TENM4: variants seen among roughly 807,000 people sequenced by gnomAD.
The protein encoded by TENM4 is teneurin-4.
In TENM4, 82 loss-of-function variants were observed where a neutral mutation model predicts 243.3. That is an observed-to-expected ratio of 0.34 (90% CI 0.28 to 0.40). The LOEUF is 0.40. Among genes scored for constraint, TENM4 ranks in the 10% least tolerant of loss-of-function variants. The pLI is 1.00. For synonymous variants in TENM4, 1,412 were observed against 1,456.3 expected, an observed-to-expected ratio of 0.97 and a Z score of 0.69; for missense variants, 3,138 against 3,673.3, an observed-to-expected ratio of 0.85 and a Z score of 3.77.
chr11:78,820,537 G>C (rs936691484), intron 12 of TENM4, among the ~76,000 whole-genome samples: 7 of 152,220 alleles, frequency 4.6e-5, no homozygotes, highest in Non-Finnish European at 1.0e-4. Context: ...GTGATGCTGT[G>C]CATGTAAAGA....
intron 28 of TENM4, among the ~76,000 whole-genome samples, chr11:78,697,519 G>T (rs982486147): frequency 1.3e-4 from 20 of 152,180 alleles, no homozygotes; most frequent in Non-Finnish European, 1.5e-5. Context: ...TCTATGTCCC[G>T]TTGGGAGCAC....
At chr11:79,312,493 T>C (rs1302218214) in intron 1 of TENM4, among the ~76,000 whole-genome samples, 1 of 152,196 alleles carries the variant, frequency 6.6e-6, no homozygotes, top group Admixed American at 6.5e-5. Context: ...TGTCCTATAA[T>C]GATTCCCATT....
At chr11:79,172,184 C>T (rs542022788) in intron 3 of TENM4, among the ~76,000 whole-genome samples, 1 of 152,256 alleles carries the variant, frequency 6.6e-6, no homozygotes, top group African/African-American at 2.4e-5. Flanking sequence ...AAACCCCTGG[C>T]TCAAATGATC....
At chr11:79,263,678 A>G (rs889979915) in intron 2 of TENM4, among the ~76,000 whole-genome samples, 8 of 152,174 alleles carry the variant, frequency 5.3e-5, no homozygotes, top group African/African-American at 1.9e-4. Context: ...CAGGTAGCCA[A>G]TGGAAAGTAG....
At chr11:78,890,950 A>G (rs867561882) in intron 8 of TENM4, among the ~76,000 whole-genome samples, 6 of 152,212 alleles carry the variant, frequency 3.9e-5, no homozygotes, top group Middle Eastern at 3.2e-3. Flanking sequence ...GAGTCCATAC[A>G]ATACAGGGCC....
intron 6 of TENM4, among the ~76,000 whole-genome samples, chr11:79,041,250 G>C (rs942036423): frequency 6.6e-6 from 1 of 152,090 alleles, no homozygotes; most frequent in Non-Finnish European, 1.5e-5. Context: ...TTTTAGTAGA[G>C]ATGGGGTTTC....
intron 1 of TENM4, among the ~76,000 whole-genome samples, chr11:79,336,310 C>T (rs1487006401): frequency 1.3e-5 from 2 of 152,150 alleles, no homozygotes; most frequent in African/African-American, 4.8e-5. Context: ...TCCCTGTCCT[C>T]CTCCAGGCCT....
chr11:78,684,608 C>A (rs1858618937), intron 29 of TENM4, among the ~76,000 whole-genome samples: 2 of 152,094 alleles, frequency 1.3e-5, no homozygotes, highest in South Asian at 4.1e-4. Context: ...AATAGGGCCC[C>A]TTGTCTTTAG....
chr11:79,260,632 G>A (rs1287867233), intron 2 of TENM4, among the ~76,000 whole-genome samples: 2 of 152,170 alleles, frequency 1.3e-5, no homozygotes, highest in Non-Finnish European at 2.9e-5. Flanking sequence ...GTATGCGGTA[G>A]AGGGACTCAG....
intron 1 of TENM4, among the ~76,000 whole-genome samples, chr11:79,344,279 AG>A (rs1221864288): frequency 1.3e-5 from 2 of 152,218 alleles, no homozygotes; most frequent in Non-Finnish European, 2.9e-5. Flanking sequence ...GGGTGCTCAA[AG>A]CATGAGGCTT....
chr11:79,159,073 C>G (rs1421367249), intron 3 of TENM4, among the ~76,000 whole-genome samples: 1 of 152,164 alleles, frequency 6.6e-6, no homozygotes, highest in Non-Finnish European at 1.5e-5. Context: ...CAATGAGCCC[C>G]TCTGTACTGT....
intron 6 of TENM4, among the ~76,000 whole-genome samples, chr11:79,052,597 A>T (rs1859826376): frequency 6.6e-6 from 1 of 152,206 alleles, no homozygotes; most frequent in African/African-American, 2.4e-5. Context: ...AGAGTTTATG[A>T]GTAAAAAGAA....
chr11:79,058,356 A>G (rs1859993645), intron 6 of TENM4, among the ~76,000 whole-genome samples: 1 of 152,086 alleles, frequency 6.6e-6, no homozygotes, highest in African/African-American at 2.4e-5. Flanking sequence ...ATCCTGGCTA[A>G]CACAGTGAAA....
At chr11:79,001,384 C>G (rs1460768734) in intron 6 of TENM4, among the ~76,000 whole-genome samples, 1 of 152,136 alleles carries the variant, frequency 6.6e-6, no homozygotes, top group African/African-American at 2.4e-5. Flanking sequence ...GAGCACCAGC[C>G]TGGCCCTCAG....
chr11:79,315,499 A>AG (rs763137477), intron 1 of TENM4, among the ~76,000 whole-genome samples: 7 of 152,318 alleles, frequency 4.6e-5, no homozygotes, highest in South Asian at 4.1e-4. Flanking sequence ...CGGATAGGGG[A>AG]GCAGGCACAG....
chr11:79,145,800 A>G (rs534749434), intron 4 of TENM4, among the ~76,000 whole-genome samples: 2 of 152,208 alleles, frequency 1.3e-5, no homozygotes, highest in South Asian at 2.1e-4. Flanking sequence ...GATAGAGTCT[A>G]TATTTTTTAT....
intron 1 of TENM4, among the ~76,000 whole-genome samples, chr11:79,324,635 T>A (rs1321465121): frequency 1.3e-5 from 2 of 152,128 alleles, no homozygotes; most frequent in Non-Finnish European, 2.9e-5. Flanking sequence ...TAGATATAGA[T>A]ATAATCACAA....
chr11:79,118,499 CAG>C (rs1343688174), intron 4 of TENM4, among the ~76,000 whole-genome samples: 1 of 152,142 alleles, frequency 6.6e-6, no homozygotes, highest in African/African-American at 2.4e-5. Flanking sequence ...CATCCCTGTA[CAG>C]AACTCTTCAT....
intron 28 of TENM4, among the ~76,000 whole-genome samples, chr11:78,688,815 G>C (rs1315817840): frequency 6.6e-6 from 1 of 152,180 alleles, no homozygotes; most frequent in Non-Finnish European, 1.5e-5. Context: ...CTTCCATCTA[G>C]ATTTTACATC....
Sources: gnomAD v4.1 joint callset for allele counts (sites outside exome capture counted in the v4.1 genomes callset) on GRCh38, gnomAD v4.1.1 for gene constraint, MANE v1.5 for transcripts, NCBI Gene and HGNC (gene_info 2026-07-23, HGNC 2026-07-21) for gene names.